The following TANC1 variants were observed in gnomAD, a reference collection of about 807,000 sequenced individuals.
TANC1 encodes tetratricopeptide repeat, ankyrin repeat and coiled-coil containing 1.
A neutral mutation model predicts 149.7 loss-of-function variants in TANC1; 77 were observed. The ratio of observed to expected loss-of-function variants is 0.51; its 90% CI spans 0.43 to 0.62. TANC1 has a LOEUF of 0.62. TANC1 is among the 20% of genes least tolerant of loss of function. TANC1 has a pLI of 0.00. For missense variants in TANC1, 1,985 were observed against 2,321.8 expected (o/e 0.85, Z 2.98); for synonymous variants, 854 against 925.0 (o/e 0.92, Z 1.39).
chr2:159,090,592 C>T (rs1463561445), intron 3 of TANC1, among the ~76,000 whole-genome samples: 3 of 152,202 alleles, frequency 2.0e-5, no homozygotes, highest in Non-Finnish European at 4.4e-5. Flanking sequence ...ATTCAAGCTG[C>T]AGTGTGTTCC....
intron 2 of TANC1, among the ~76,000 whole-genome samples, chr2:159,047,194 C>G (rs927311435): frequency 4.6e-5 from 7 of 150,812 alleles, no homozygotes; most frequent in Admixed American, 2.6e-4. Flanking sequence ...CATTTCCCCC[C>G]CCCAGTTATT....
chr2:158,977,051 C>T (rs1051807619), intron 1 of TANC1, among the ~76,000 whole-genome samples: 13 of 152,100 alleles, frequency 8.5e-5, no homozygotes, highest in Non-Finnish European at 1.8e-4. Context: ...TTTAATTACA[C>T]ATAAATTAAT....
chr2:159,215,081 G>T (rs1225310716), intron 19 of TANC1, among the ~76,000 whole-genome samples: 3 of 152,242 alleles, frequency 2.0e-5, no homozygotes, highest in Non-Finnish European at 4.4e-5. Context: ...CAGAAGCGAA[G>T]TGAGAGCTGC....
intron 5 of TANC1, among the ~76,000 whole-genome samples, chr2:159,140,311 C>A (rs1378833646): frequency 6.6e-6 from 1 of 151,972 alleles, no homozygotes; most frequent in Non-Finnish European, 1.5e-5. Flanking sequence ...CAAGAGGTAA[C>A]CTTGATCCTG....
At position 159,115,674 on chromosome 2, in the gene TANC1, C is replaced by G. The variant is rs547063580; in HGVS notation, c.259+17840C>G. On this transcript the variant is annotated intron_variant, in intron 4 of 26. Coordinates refer to ENST00000263635, the MANE Select transcript of TANC1 (RefSeq NM_033394.3). ...AATCCATATCCTGGCATACCCTTAACTCATTTTTTGCATGCCATTGGGAAG... is the reference window on the plus strand; with the variant it reads ...AATCCATATCCTGGCATACCCTTAAGTCATTTTTTGCATGCCATTGGGAAG... Among the ~76,000 whole-genome samples the G allele has an allele frequency of 1.4e-4, 22 of 152,292 alleles. No homozygotes were observed. In the South Asian group the frequency reaches 3.3e-3, roughly 23 times the overall value.
chr2:159,172,000 T>C (rs2055306801), intron 10 of TANC1, 121 bp from the exon 11 acceptor site: 3 of 952,402 alleles, frequency 3.1e-6, no homozygotes, highest in African/African-American at 3.3e-5. Context: ...GACCTCTGAA[T>C]TTTGGACCAT....
chr2:159,030,074 A>G (rs1381289035), intron 2 of TANC1, among the ~76,000 whole-genome samples: 1 of 152,082 alleles, frequency 6.6e-6, no homozygotes, highest in East Asian at 1.9e-4. Context: ...CCTTTTATTC[A>G]CTGGTCACTC....
intron 3 of TANC1, among the ~76,000 whole-genome samples, chr2:159,091,103 T>G (rs2045489605): frequency 6.6e-6 from 1 of 152,206 alleles, no homozygotes; most frequent in South Asian, 2.1e-4. Context: ...TTTTTGGTTT[T>G]CCTTCTTAAG....
intron 1 of TANC1, among the ~76,000 whole-genome samples, chr2:158,973,483 G>C (rs989573112): frequency 2.4e-4 from 36 of 152,308 alleles, no homozygotes; most frequent in African/African-American, 8.4e-4. Context: ...AAGATCATAC[G>C]TATACGGCTG....
At chr2:158,993,787 A>G (rs538933645) in intron 1 of TANC1, among the ~76,000 whole-genome samples, 3 of 152,262 alleles carry the variant, frequency 2.0e-5, no homozygotes, top group African/African-American at 7.2e-5. Flanking sequence ...ATTTTTAAAA[A>G]GTTAATTTCT....
intron 4 of TANC1, among the ~76,000 whole-genome samples, chr2:159,118,755 T>C (rs1048301336): frequency 1.4e-4 from 21 of 152,226 alleles, no homozygotes; most frequent in African/African-American, 5.1e-4. Flanking sequence ...TGAATCAGCA[T>C]TGAAGCAGCG....
chr2:159,214,001 C>CTGT (rs2059174943), intron 19 of TANC1, among the ~76,000 whole-genome samples: 2 of 152,010 alleles, frequency 1.3e-5, no homozygotes, highest in South Asian at 4.2e-4. Context: ...GGGCTCGTGC[C>CTGT]TGTAATCCCA....
chr2:159,004,418 G>T, intron 2 of TANC1: 1 of 881,266 alleles, frequency 1.1e-6, no homozygotes, highest in Admixed American at 2.0e-5. Context: ...CCTGTTACTA[G>T]TTCAGTAATA....
chr2:159,202,307 CAAG>C (rs2058303995), intron 19 of TANC1, among the ~76,000 whole-genome samples: 1 of 152,010 alleles, frequency 6.6e-6, no homozygotes, highest in African/African-American at 2.4e-5. Context: ...TTGAAGGAGA[CAAG>C]AAAATGTACA....
intron 2 of TANC1, among the ~76,000 whole-genome samples, chr2:159,015,653 C>CA (rs2038199321): frequency 6.6e-6 from 1 of 152,176 alleles, no homozygotes; most frequent in Admixed American, 6.5e-5. Context: ...TAATAGCACC[C>CA]AGGTAACCTT....
chr2:159,042,875 C>T (rs995508713), intron 2 of TANC1, among the ~76,000 whole-genome samples: 8 of 152,106 alleles, frequency 5.3e-5, no homozygotes, highest in Admixed American at 5.2e-4. Context: ...AGGAGGACTT[C>T]AGCATGCTAA....
rs1288549383 is a variant in TANC1, at chr2:159,017,344, A to G, written c.-16+16155A>G. Among the ~76,000 whole-genome samples the G allele has an allele frequency of 1.8e-4, 28 of 152,206 alleles. 1 individual carries two copies. The highest frequency in any genetic ancestry group is 1.6e-3 in the Admixed American group (25 of 15,282). Reference sequence around the variant, plus strand: ...TATATTCTCTCACTTTGAATTACCAATAGTATTTTAAGGAACCTTTTATGC... The same window carrying G: ...TATATTCTCTCACTTTGAATTACCAGTAGTATTTTAAGGAACCTTTTATGC... On this transcript the variant is annotated intron_variant, in intron 2 of 26. Transcript: ENST00000263635.
intron 3 of TANC1, among the ~76,000 whole-genome samples, chr2:159,096,688 A>C (rs1163150383): frequency 6.6e-6 from 1 of 152,190 alleles, no homozygotes; most frequent in Non-Finnish European, 1.5e-5. Context: ...ATGAGCCAGA[A>C]TGGCGGGGTT....
chr2:159,230,035 A>G lies in TANC1; in HGVS notation c.4609A>G (p.Ser1537Gly), dbSNP rs1158195114. The G allele has an allele frequency of 6.2e-7, 1 of 1,613,966 alleles. No homozygotes were observed. The highest frequency in any genetic ancestry group is 8.5e-7 in the Non-Finnish European group (1 of 1,180,046). The change falls in exon 27 of 27, where the codon AGC becomes GGC. Residue 1537 changes from serine (S) to glycine (G), a missense_variant. Physicochemically the swap from Ser to Gly is moderately conservative, Grantham distance 56 (BLOSUM62 0). This residue lies in a region of TANC1 where 920 missense variants were observed against 994.7 expected (regional missense o/e 0.92). Transcript: ENST00000263635. This position sits in a 1 kb window ranked among gnomAD's most constrained non-coding sequence, Gnocchi z 4.4. ...PSKQAQIVKTSQHLGSGQSAV... is the reference protein window; with the variant it reads ...PSKQAQIVKTGQHLGSGQSAV... ...CAAGCAGGCCCAGATCGTGAAAACC[A>G]GCCAGCACCTGGGCTCTGGCCAGTC... is the stretch of plus-strand genomic sequence containing the variant.
Sources: gnomAD v4.1 joint callset for allele counts (sites outside exome capture counted in the v4.1 genomes callset) on GRCh38, gnomAD v4.1.1 for gene constraint, gnomAD v4.1.1 regional missense constraint, Gnocchi (gnomAD v3.1) non-coding constraint, MANE v1.5 for transcripts, NCBI Gene and HGNC (gene_info 2026-07-23, HGNC 2026-07-21) for gene names.